The following PACSIN2 variants were observed in gnomAD, a reference collection of about 807,000 sequenced individuals.
PACSIN2 encodes protein kinase C and casein kinase substrate in neurons protein 2.
PACSIN2 carries 25 observed loss-of-function variants against 63.8 expected under a neutral mutation model. The observed-to-expected ratio is 0.39, with a 90% confidence interval of 0.29 to 0.55. PACSIN2 has a LOEUF of 0.55. Ranked by LOEUF, PACSIN2 falls within the 20% of genes least tolerant of loss-of-function variation. PACSIN2 has a pLI of 0.62. For missense variants in PACSIN2, 518 were observed against 646.9 expected (o/e 0.80, Z 2.16); for synonymous variants, 255 against 256.2 (o/e 1.00, Z 0.05).
chr22:42,880,608 G>A (rs1379295190), intron 7 of PACSIN2: 1 of 152,212 alleles, frequency 6.6e-6, no homozygotes, highest in African/African-American at 2.4e-5. Context: ...GCCGAACGCA[G>A]ACACTTACTT....
chr22:42,999,338 AATGTGTGTGTGT>A lies in PACSIN2; in HGVS notation c.-78+15671_-78+15682del, dbSNP rs374318095. ...CCATTTCAGTAACATATAAATGTCT[AATGTGTGTGTGT>A]ATGTGTGTGTACGGAGGCATTAAAA... is the stretch of plus-strand genomic sequence containing the variant. On this transcript the variant is annotated intron_variant, in intron 1 of 10. Transcript: ENST00000263246. 3.1e-3 allele frequency among the ~76,000 whole-genome samples: 469 copies of A among 152,284 alleles called. 2 individuals carry two copies. The highest frequency in any genetic ancestry group is 0.011 in the African/African-American group (463 of 41,564).
chr22:42,944,704 C>T (rs917576861), intron 1 of PACSIN2, among the ~76,000 whole-genome samples: 3 of 152,304 alleles, frequency 2.0e-5, no homozygotes, highest in South Asian at 4.1e-4. Flanking sequence ...ACAACACATC[C>T]GTTACAGAGA....
chr22:42,926,698 T>G (rs976859622), intron 1 of PACSIN2, among the ~76,000 whole-genome samples: 12 of 151,814 alleles, frequency 7.9e-5, no homozygotes, highest in East Asian at 1.9e-4. Flanking sequence ...ATTCTGGAGC[T>G]GAGTGCACCT....
At chr22:43,006,595 G>A (rs1280256279) in intron 1 of PACSIN2, among the ~76,000 whole-genome samples, 2 of 152,100 alleles carry the variant, frequency 1.3e-5, no homozygotes, top group Non-Finnish European at 2.9e-5. Flanking sequence ...CAGGCGGGCC[G>A]TTTGAGGTCA....
chr22:42,982,878 A>AAAAAT (rs1555943629), intron 1 of PACSIN2, among the ~76,000 whole-genome samples: 1 of 132,414 alleles, frequency 7.6e-6, no homozygotes, highest in Non-Finnish European at 1.6e-5. Flanking sequence ...ATAAAAAAAA[A>AAAAAT]AAAAAAAAAA....
chr22:42,893,749 G>C, intron 2 of PACSIN2, 136 bp from the exon 3 acceptor site: 1 of 760,806 alleles, frequency 1.3e-6, no homozygotes, highest in Non-Finnish European at 2.2e-6. Context: ...CCAAGAGTTT[G>C]AAAGGCACTC....
Position 42,950,376 on chromosome 22 carries a change from T to TAA in PACSIN2, c.-77-38221_-77-38220dup, listed in dbSNP as rs1173951468. 8.2e-3 allele frequency among the ~76,000 whole-genome samples: 6 copies of TAA among 730 alleles called. No individual in the cohort carries two copies. In the East Asian group the frequency reaches 0.19, roughly 23 times the overall value. The allele number at this position is 730 out of a possible 152,430, so 0.5% of individuals were successfully genotyped here. On this transcript the variant is annotated intron_variant, in intron 1 of 10. Coordinates refer to ENST00000263246, the MANE Select transcript of PACSIN2 (RefSeq NM_001184970.3). ...CAAATTGTCTAAATACTAGGAAAGATAAGACAAAGTCATACCAGATTAGGC... is the reference window on the plus strand; with the variant it reads ...CAAATTGTCTAAATACTAGGAAAGATAAAAGACAAAGTCATACCAGATTAGGC...
intron 1 of PACSIN2, 76 bp from the exon 2 acceptor site, chr22:42,912,233 C>T: frequency 1.7e-6 from 1 of 584,034 alleles, no homozygotes; most frequent in Non-Finnish European, 3.0e-6. Context: ...TATTTCACAA[C>T]TTCCCGTTTC....
intron 1 of PACSIN2, among the ~76,000 whole-genome samples, chr22:42,928,662 T>C (rs1932685148): frequency 6.6e-6 from 1 of 152,220 alleles, no homozygotes; most frequent in Admixed American, 6.5e-5. Context: ...GAGGCACTTG[T>C]AGGTAATCAG....
At chr22:42,926,898 C>T (rs1932573838) in intron 1 of PACSIN2, among the ~76,000 whole-genome samples, 1 of 152,102 alleles carries the variant, frequency 6.6e-6, no homozygotes, top group African/African-American at 2.4e-5. Context: ...ACAGAGCAAC[C>T]TCAGTGCAGT....
intron 1 of PACSIN2, among the ~76,000 whole-genome samples, chr22:42,980,600 C>T (rs1047186430): frequency 1.5e-5 from 2 of 135,968 alleles, no homozygotes; most frequent in Admixed American, 1.5e-4. Context: ...GATTCTCCTG[C>T]CTCAGCCTGC....
intron 1 of PACSIN2, among the ~76,000 whole-genome samples, chr22:42,923,916 C>T (rs1932364688): frequency 6.6e-6 from 1 of 152,074 alleles, no homozygotes; most frequent in Admixed American, 6.5e-5. Flanking sequence ...GTAGTGCACG[C>T]CTGTACTCCC....
At chr22:42,943,071 A>G (rs1448638071) in intron 1 of PACSIN2, among the ~76,000 whole-genome samples, 1 of 152,210 alleles carries the variant, frequency 6.6e-6, no homozygotes, top group African/African-American at 2.4e-5. Flanking sequence ...AATTTATTTC[A>G]ACAATGTTTT....
At position 42,975,656 on chromosome 22, in the gene PACSIN2, T is replaced by TAA. The variant is rs35638247; in HGVS notation, c.-78+39363_-78+39364dup. Among the ~76,000 whole-genome samples, 428 of 136,750 alleles carry TAA rather than the reference T, an allele frequency of 3.1e-3. 2 individuals carry two copies. Among genetic ancestry groups the TAA allele is most frequent in the African/African-American group, 8.6e-3 (320 of 37,120 alleles). The allele number at this position is 136,750 out of a possible 152,430, so 89.7% of individuals were successfully genotyped here. ...TAACCAGAGCCTTGTCAATATTCTT[T>TAA]AAAAAAAAAAAAAAGGTGCAGGAAT... On this transcript the variant is annotated intron_variant, in intron 1 of 10. Coordinates refer to ENST00000263246, the MANE Select transcript of PACSIN2 (RefSeq NM_001184970.3).
At chr22:42,908,788 A>T (rs1176773446) in intron 2 of PACSIN2, among the ~76,000 whole-genome samples, 1 of 152,120 alleles carries the variant, frequency 6.6e-6, no homozygotes, top group African/African-American at 2.4e-5. Flanking sequence ...CCAACCTGGA[A>T]TGCCATCCCT....
At chr22:42,952,758 G>C (rs772669590) in intron 1 of PACSIN2, among the ~76,000 whole-genome samples, 1 of 151,960 alleles carries the variant, frequency 6.6e-6, no homozygotes, top group African/African-American at 2.4e-5. Flanking sequence ...TGCCTCCCAG[G>C]TTCAAGCAAT....
At chr22:42,987,839 A>T (rs963837707) in intron 1 of PACSIN2, among the ~76,000 whole-genome samples, 1 of 151,986 alleles carries the variant, frequency 6.6e-6, no homozygotes, top group African/African-American at 2.4e-5. Context: ...TCCAGAACAC[A>T]TTTTAAAATG....
Position 42,897,010 on chromosome 22 carries a change from C to A in PACSIN2, c.61-3397G>T, listed in dbSNP as rs949598679. ...AGAGTGCAGTGCCACAATCATGGCT[C>A]ACTGTGGCCTTAACCTCCCAGGCTC... On this transcript the variant is annotated intron_variant, in intron 2 of 10. Transcript: ENST00000263246. 2.0e-5 allele frequency among the ~76,000 whole-genome samples: 3 copies of A among 152,092 alleles called. No homozygotes were observed. The South Asian group carries it at 6.2e-4, about 31-fold the overall frequency.
intron 2 of PACSIN2, among the ~76,000 whole-genome samples, chr22:42,896,087 A>C (rs184451407): frequency 6.6e-6 from 1 of 152,334 alleles, no homozygotes; most frequent in East Asian, 1.9e-4. Flanking sequence ...GAATGTGGAC[A>C]AACATATACC....
Sources: allele counts gnomAD v4.1 joint callset (sites outside exome capture counted in the v4.1 genomes callset), GRCh38; gene constraint gnomAD v4.1.1; transcripts MANE v1.5; gene names NCBI Gene and HGNC (gene_info 2026-07-23, HGNC 2026-07-21).